Variants in CTNND2 observed in about 807,000 individuals in gnomAD.
CTNND2 encodes catenin delta-2.
Under a neutral mutation model 144.4 loss-of-function variants are expected in CTNND2, and 22 were observed. The ratio of observed to expected loss-of-function variants is 0.15; its 90% CI spans 0.11 to 0.22. CTNND2 has a LOEUF of 0.22. CTNND2 is among the 10% of genes least tolerant of loss of function. CTNND2 has a pLI of 1.00. For synonymous variants in CTNND2, 751 were observed against 695.6 expected (o/e 1.08, Z -1.25); for missense variants, 1,353 against 1,618.8 (o/e 0.84, Z 2.82).
chr5:11,761,689 G>A (rs1745798461), intron 1 of CTNND2, among the ~76,000 whole-genome samples: 1 of 152,098 alleles, frequency 6.6e-6, no homozygotes, highest in Non-Finnish European at 1.5e-5. Context: ...CTAGTGCAGA[G>A]GATGAAGCTT....
intron 16 of CTNND2, among the ~76,000 whole-genome samples, chr5:11,056,012 C>T (rs1746314662): frequency 6.6e-6 from 1 of 152,238 alleles, no homozygotes; most frequent in South Asian, 2.1e-4. Context: ...CTCAGATACA[C>T]TGACCCATGA....
chr5:11,650,400 T>C (rs986670532), intron 2 of CTNND2, among the ~76,000 whole-genome samples: 13 of 152,128 alleles, frequency 8.5e-5, no homozygotes, highest in African/African-American at 2.7e-4. Context: ...TAGTCCTTTA[T>C]AGCAATGCAA....
intron 2 of CTNND2, among the ~76,000 whole-genome samples, chr5:11,581,246 A>T (rs1298950050): frequency 6.6e-6 from 1 of 152,090 alleles, no homozygotes; most frequent in South Asian, 2.1e-4. Flanking sequence ...CATGCATCCC[A>T]AATTTTTATT....
intron 12 of CTNND2, among the ~76,000 whole-genome samples, chr5:11,127,507 T>A (rs577077427): frequency 6.6e-6 from 1 of 152,336 alleles, no homozygotes; most frequent in Admixed American, 6.5e-5. Context: ...TCCACTGTCA[T>A]CTTTTTCTGA....
intron 12 of CTNND2, among the ~76,000 whole-genome samples, chr5:11,141,611 G>A (rs758715101): frequency 2.6e-5 from 4 of 152,158 alleles, no homozygotes; most frequent in Non-Finnish European, 4.4e-5. Flanking sequence ...ACAGGCAGCC[G>A]TGCAAGCTGG....
intron 15 of CTNND2, among the ~76,000 whole-genome samples, chr5:11,085,697 A>G (rs1750058214): frequency 6.6e-6 from 1 of 152,240 alleles, no homozygotes; most frequent in Non-Finnish European, 1.5e-5. Context: ...CCCTCTCCCT[A>G]GTCAATACAG....
At chr5:11,754,862 T>G (rs1033308562) in intron 1 of CTNND2, among the ~76,000 whole-genome samples, 7 of 151,568 alleles carry the variant, frequency 4.6e-5, no homozygotes, top group African/African-American at 1.7e-4. Context: ...GGTAAGTATC[T>G]TAAAGACAGT....
intron 2 of CTNND2, among the ~76,000 whole-genome samples, chr5:11,612,451 A>G (rs568596360): frequency 4.4e-4 from 67 of 152,324 alleles, no homozygotes; most frequent in Admixed American, 4.3e-3. Context: ...GCTAAGATAC[A>G]TGGGATCTTA....
At chr5:11,776,768 A>G (rs1790277663) in intron 1 of CTNND2, among the ~76,000 whole-genome samples, 1 of 152,236 alleles carries the variant, frequency 6.6e-6, no homozygotes, top group Non-Finnish European at 1.5e-5. Flanking sequence ...ATTACTTTTA[A>G]AAAACAAAAT....
At chr5:11,128,575 C>T (rs1039066942) in intron 12 of CTNND2, among the ~76,000 whole-genome samples, 2 of 149,204 alleles carry the variant, frequency 1.3e-5, no homozygotes, top group African/African-American at 2.5e-5. Context: ...CCAGGGTAAA[C>T]GGATTCTTCT....
At chr5:11,545,662 CAAAAAAAAA>C (rs34532125) in intron 3 of CTNND2, among the ~76,000 whole-genome samples, 2 of 74,262 alleles carry the variant, frequency 2.7e-5, no homozygotes, top group South Asian at 6.0e-4. Flanking sequence ...GACTGTGTCT[CAAAAAAAAA>C]AAAAAAAAAA....
At chr5:11,049,266 C>A (rs1002315667) in intron 16 of CTNND2, among the ~76,000 whole-genome samples, 1 of 152,144 alleles carries the variant, frequency 6.6e-6, no homozygotes, top group Non-Finnish European at 1.5e-5. Context: ...CGTCATGCCT[C>A]ATGGGCTTTT....
In CTNND2 at chr5:11,848,689, C is replaced by A. The variant is rs1384789535; in HGVS notation, c.37+55128G>T. On this transcript the variant is annotated intron_variant, in intron 1 of 21. Transcript: ENST00000304623. ...TTAGTTCAGGCTATGTCTTCCACAC[C>A]CAGAGCTTCTCGTAGAGAGCTTCTA... Among the ~76,000 whole-genome samples, 2 of 152,128 alleles carry A rather than the reference C, an allele frequency of 1.3e-5. 1 individual carries two copies. Among genetic ancestry groups the A allele is most frequent in the Non-Finnish European group, 2.9e-5 (2 of 68,018 alleles).
chr5:11,407,063 A>G (rs1761157161), intron 5 of CTNND2, among the ~76,000 whole-genome samples: 1 of 152,186 alleles, frequency 6.6e-6, no homozygotes, highest in South Asian at 2.1e-4. Flanking sequence ...ATTTTTGTGA[A>G]TCACTGGCTA....
chr5:11,354,633 G>C (rs1293627544), intron 8 of CTNND2, among the ~76,000 whole-genome samples: 1 of 152,128 alleles, frequency 6.6e-6, no homozygotes. Context: ...TAGACCTAAA[G>C]GAAGAGATAG....
intron 5 of CTNND2, among the ~76,000 whole-genome samples, chr5:11,405,772 TA>T (rs1761042588): frequency 6.6e-6 from 1 of 151,666 alleles, no homozygotes; most frequent in South Asian, 2.1e-4. Context: ...ATACCCGAGG[TA>T]GGGGGGGAAG....
intron 18 of CTNND2, among the ~76,000 whole-genome samples, chr5:11,016,442 T>G (rs1164575112): frequency 1.3e-5 from 2 of 152,218 alleles, no homozygotes; most frequent in East Asian, 3.9e-4. Context: ...AATATTTTTT[T>G]CCCCCATTGC....
At chr5:11,704,623 C>T (rs1251821408) in intron 2 of CTNND2, among the ~76,000 whole-genome samples, 1 of 151,942 alleles carries the variant, frequency 6.6e-6, no homozygotes, top group South Asian at 2.1e-4. Context: ...GAGGGCTCCT[C>T]GAATGGATGC....
intron 1 of CTNND2, among the ~76,000 whole-genome samples, chr5:11,773,864 A>G (rs1253674149): frequency 6.6e-6 from 1 of 151,154 alleles, no homozygotes; most frequent in African/African-American, 2.4e-5. Flanking sequence ...TAACCAATCA[A>G]TTTTAAAAGG....
Sources: gnomAD v4.1 joint callset for allele counts (sites outside exome capture counted in the v4.1 genomes callset) on GRCh38, gnomAD v4.1.1 for gene constraint, MANE v1.5 for transcripts, NCBI Gene and HGNC (gene_info 2026-07-23, HGNC 2026-07-21) for gene names.